The following ARHGAP15 variants were observed in gnomAD, a reference collection of about 807,000 sequenced individuals.
ARHGAP15 encodes Rho GTPase activating protein 15, also known as rho GTPase-activating protein 15.
A neutral mutation model predicts 63.7 loss-of-function variants in ARHGAP15; 51 were observed. The observed-to-expected ratio is 0.80, with a 90% CI of 0.64 to 1.01. The LOEUF (loss-of-function observed/expected upper bound fraction) is 1.01, where lower values mean the gene tolerates loss of function less well. ARHGAP15 is among the 50% of genes least tolerant of loss of function. The pLI is 0.00. For missense variants in ARHGAP15, 560 were observed against 564.6 expected (o/e 0.99, Z 0.08); for synonymous variants, 191 against 193.8 (o/e 0.99, Z 0.12).
intron 13 of ARHGAP15, among the ~76,000 whole-genome samples, chr2:143,749,104 T>G (rs995570488): frequency 5.3e-5 from 8 of 152,128 alleles, no homozygotes; most frequent in Non-Finnish European, 8.8e-5. Context: ...ATTTGCTGTG[T>G]TAAAGAAGTC....
Position 143,758,288 on chromosome 2 carries a change from A to T in ARHGAP15, c.1245-9701A>T, listed in dbSNP as rs945280188. ...TATATACAAGTGTGTGTGTATATATATATAAATATATATAAAATAGGTAGA... is the reference window on the plus strand; with the variant it reads ...TATATACAAGTGTGTGTGTATATATTTATAAATATATATAAAATAGGTAGA... On this transcript the variant is annotated intron_variant, in intron 13 of 13. Transcript: ENST00000295095. 1.1e-4 allele frequency among the ~76,000 whole-genome samples: 17 copies of T among 151,540 alleles called. No individual in the cohort carries two copies. The East Asian group carries it at 2.9e-3, about 26-fold the overall frequency.
chr2:143,353,595 A>G (rs1050609497), intron 6 of ARHGAP15, among the ~76,000 whole-genome samples: 3 of 152,136 alleles, frequency 2.0e-5, no homozygotes, highest in African/African-American at 7.2e-5. Context: ...TCCGAATTAC[A>G]TGAGACAGGA....
At chr2:143,158,506 T>C (rs1249369219) in intron 2 of ARHGAP15, among the ~76,000 whole-genome samples, 1 of 151,992 alleles carries the variant, frequency 6.6e-6, no homozygotes, top group African/African-American at 2.4e-5. Context: ...CATCGTTTTC[T>C]TTAGACATCA....
At chr2:143,599,989 A>G (rs542391502) in intron 11 of ARHGAP15, among the ~76,000 whole-genome samples, 1 of 152,260 alleles carries the variant, frequency 6.6e-6, no homozygotes, top group Non-Finnish European at 1.5e-5. Context: ...TCCTATCCTC[A>G]TCAACACTTC....
intron 6 of ARHGAP15, 59 bp downstream of exon 6, chr2:143,250,659 G>T: frequency 7.0e-7 from 1 of 1,429,764 alleles, no homozygotes; most frequent in South Asian, 1.2e-5. Context: ...AGCTCTCTTG[G>T]GTAACTAAAA....
At chr2:143,752,541 C>T (rs980047715) in intron 13 of ARHGAP15, among the ~76,000 whole-genome samples, 13 of 152,174 alleles carry the variant, frequency 8.5e-5, no homozygotes, top group Admixed American at 2.6e-4. Context: ...AGTCAGGCTG[C>T]GAGTGACCCA....
At chr2:143,201,341 C>T (rs1156567459) in intron 2 of ARHGAP15, among the ~76,000 whole-genome samples, 1 of 151,716 alleles carries the variant, frequency 6.6e-6, no homozygotes, top group Non-Finnish European at 1.5e-5. Flanking sequence ...CAGGCTAGGG[C>T]TCTTTTTAAA....
chr2:143,594,166 A>G (rs1289358593), intron 11 of ARHGAP15, among the ~76,000 whole-genome samples: 1 of 152,186 alleles, frequency 6.6e-6, no homozygotes, highest in Non-Finnish European at 1.5e-5. Context: ...TATGTCAGGT[A>G]GCAAATATCT....
chr2:143,222,953 A>G (rs1234677692), intron 4 of ARHGAP15, among the ~76,000 whole-genome samples: 1 of 152,072 alleles, frequency 6.6e-6, no homozygotes, highest in Non-Finnish European at 1.5e-5. Flanking sequence ...GTCAAAAGAT[A>G]AGATAAATAC....
intron 9 of ARHGAP15, among the ~76,000 whole-genome samples, chr2:143,489,968 C>T (rs1396522851): frequency 1.3e-5 from 2 of 151,984 alleles, no homozygotes; most frequent in Non-Finnish European, 2.9e-5. Flanking sequence ...GATTCTGCAG[C>T]GACATGTCAG....
At chr2:143,724,494 A>G (rs866953002) in intron 13 of ARHGAP15, among the ~76,000 whole-genome samples, 1 of 152,150 alleles carries the variant, frequency 6.6e-6, no homozygotes, top group Non-Finnish European at 1.5e-5. Context: ...ATCCTTCCTC[A>G]TATGTGGGTT....
chr2:143,561,566 A>G (rs2105098117), intron 11 of ARHGAP15, among the ~76,000 whole-genome samples: 1 of 147,176 alleles, frequency 6.8e-6, no homozygotes, highest in African/African-American at 2.5e-5. Flanking sequence ...CCCAGCCTGG[A>G]GTGCAGTGGT....
chr2:143,408,996 A>G (rs1368303652), intron 6 of ARHGAP15, among the ~76,000 whole-genome samples: 4 of 152,090 alleles, frequency 2.6e-5, no homozygotes, highest in East Asian at 1.9e-4. Context: ...TCTTACATGT[A>G]TTATAAACAA....
chr2:143,209,786 T>C (rs1246237944), intron 3 of ARHGAP15, among the ~76,000 whole-genome samples: 2 of 152,126 alleles, frequency 1.3e-5, no homozygotes, highest in Non-Finnish European at 1.5e-5. Flanking sequence ...CAGAATATTA[T>C]GAACAAGGGA....
At chr2:143,307,233 C>T (rs961430077) in intron 6 of ARHGAP15, among the ~76,000 whole-genome samples, 1 of 152,104 alleles carries the variant, frequency 6.6e-6, no homozygotes, top group African/African-American at 2.4e-5. Context: ...TTCTGATTAA[C>T]TCAAAGTCAA....
At chr2:143,624,633 G>A (rs558575510) in intron 12 of ARHGAP15, among the ~76,000 whole-genome samples, 1 of 152,166 alleles carries the variant, frequency 6.6e-6, no homozygotes, top group South Asian at 2.1e-4. Context: ...AATACAAAGC[G>A]GTCTCGAAAA....
intron 13 of ARHGAP15, among the ~76,000 whole-genome samples, chr2:143,735,634 C>G (rs948832531): frequency 6.6e-6 from 1 of 152,156 alleles, no homozygotes; most frequent in Non-Finnish European, 1.5e-5. Context: ...TGGCAGAGGA[C>G]TGCATGGCTC....
intron 8 of ARHGAP15, among the ~76,000 whole-genome samples, chr2:143,485,923 T>C (rs1692303633): frequency 1.3e-5 from 2 of 152,194 alleles, no homozygotes; most frequent in African/African-American, 4.8e-5. Flanking sequence ...AAAATAAAAT[T>C]CCACCCTTCT....
chr2:143,508,352 C>T (rs1693416915), intron 9 of ARHGAP15, among the ~76,000 whole-genome samples: 1 of 152,232 alleles, frequency 6.6e-6, no homozygotes, highest in African/African-American at 2.4e-5. Flanking sequence ...ACACCAATAG[C>T]TCTCTGTCTC....
Sources: allele counts gnomAD v4.1 joint callset (sites outside exome capture counted in the v4.1 genomes callset), GRCh38; gene constraint gnomAD v4.1.1; transcripts MANE v1.5; gene names NCBI Gene and HGNC (gene_info 2026-07-23, HGNC 2026-07-21).